The following MAN1C1 variants were observed in gnomAD, a reference collection of about 807,000 sequenced individuals.
The protein encoded by MAN1C1 is mannosidase alpha class 1C member 1, also known as mannosyl-oligosaccharide 1,2-alpha-mannosidase IC.
A neutral mutation model predicts 71.5 loss-of-function variants in MAN1C1; 49 were observed. The observed-to-expected ratio is 0.69, with a 90% CI of 0.54 to 0.87. MAN1C1 has a LOEUF of 0.87. MAN1C1 is among the 40% of genes least tolerant of loss of function. The pLI is 0.00. For synonymous variants in MAN1C1, 352 were observed against 343.7 expected (o/e 1.02, Z -0.27); for missense variants, 743 against 835.0 (o/e 0.89, Z 1.36).
chr1:25,627,560 C>T (rs1369372651), intron 1 of MAN1C1, among the ~76,000 whole-genome samples: 1 of 152,224 alleles, frequency 6.6e-6, no homozygotes, highest in African/African-American at 2.4e-5. Flanking sequence ...CAGGCGTGAG[C>T]CACTGTGCCC....
chr1:25,696,137 G>A (rs1195211615), intron 2 of MAN1C1, among the ~76,000 whole-genome samples: 15 of 152,192 alleles, frequency 9.9e-5, no homozygotes, highest in Admixed American at 8.5e-4. Context: ...CCCACTTTGC[G>A]AAGACCTTTC....
At chr1:25,717,748 G>C (rs1264996452) in intron 2 of MAN1C1, among the ~76,000 whole-genome samples, 1 of 151,922 alleles carries the variant, frequency 6.6e-6, no homozygotes, top group Admixed American at 6.6e-5. Flanking sequence ...ATTTTTAGTA[G>C]AGATGGGGTT....
Position 25,629,491 on chromosome 1 carries a change from A to G in MAN1C1, c.540+11154A>G, listed in dbSNP as rs146443963. Among the ~76,000 whole-genome samples the G allele has an allele frequency of 2.8e-3, 432 of 152,294 alleles. 2 individuals carry two copies. Among genetic ancestry groups the G allele is most frequent in the African/African-American group, 0.01 (423 of 41,562 alleles). On this transcript the variant is annotated intron_variant, in intron 1 of 11. Transcript: ENST00000374332. ...CCCTCCGTCACTCAGGCTGGAGTGC[A>G]GTGGTGCGATCTTGGCTCACTGCAG...
intron 1 of MAN1C1, among the ~76,000 whole-genome samples, chr1:25,684,841 T>C (rs1238990744): frequency 6.6e-6 from 1 of 152,184 alleles, no homozygotes; most frequent in Non-Finnish European, 1.5e-5. Flanking sequence ...AGGTGAGTGA[T>C]ACAAACAATA....
intron 7 of MAN1C1, among the ~76,000 whole-genome samples, chr1:25,765,346 G>A (rs1415757): frequency 0.082 from 12,491 of 152,220 alleles, 773 homozygotes; most frequent in East Asian, 0.23. Context: ...ATGGTCAGCT[G>A]GAACTGGCAG....
chr1:25,772,869 C>T (rs976460741), intron 8 of MAN1C1, among the ~76,000 whole-genome samples: 2 of 152,184 alleles, frequency 1.3e-5, no homozygotes, highest in African/African-American at 4.8e-5. Context: ...CTTCCTCAGA[C>T]ACCCCAGGCG....
intron 2 of MAN1C1, among the ~76,000 whole-genome samples, chr1:25,708,974 G>A (rs113379907): frequency 0.015 from 2,302 of 152,208 alleles, 49 homozygotes; most frequent in African/African-American, 0.051. Flanking sequence ...CTTGGCACTT[G>A]CATTTTCCTG....
chr1:25,618,292 G>A lies in MAN1C1; in HGVS notation c.495G>A (p.Gln165=), dbSNP rs1445289091. 6.2e-7 allele frequency: 1 copy of A among 1,603,874 alleles called. No individual in the cohort carries two copies. The highest frequency in any genetic ancestry group is 1.1e-5 in the South Asian group (1 of 88,930). The change falls in exon 1 of 12, where the codon CAG becomes CAA. Residue 165 remains glutamine (Q), a synonymous_variant. Transcript: ENST00000374332. ...PVLGTRADES[Q]EPQSQVRAQR... ...TGGGAACGAGGGCCGATGAGAGTCA[G>A]GAGCCCCAGAGCCAAGTGCGAGCCC...
At chr1:25,670,463 AG>A (rs1282156219) in intron 1 of MAN1C1, among the ~76,000 whole-genome samples, 1 of 152,234 alleles carries the variant, frequency 6.6e-6, no homozygotes, top group Non-Finnish European at 1.5e-5. Context: ...GCTTTAAAGC[AG>A]GTCATCCATT....
At chr1:25,653,691 T>TG (rs1404931393) in intron 1 of MAN1C1, among the ~76,000 whole-genome samples, 7 of 152,170 alleles carry the variant, frequency 4.6e-5, no homozygotes, top group Admixed American at 3.9e-4. Context: ...GGTTTGGCCT[T>TG]GGCTCCCCAC....
At chr1:25,727,436 G>C (rs1013080715) in intron 2 of MAN1C1, among the ~76,000 whole-genome samples, 1 of 152,240 alleles carries the variant, frequency 6.6e-6, no homozygotes, top group African/African-American at 2.4e-5. Flanking sequence ...AGGTGGAGGA[G>C]GTTGGTGTCT....
intron 2 of MAN1C1, among the ~76,000 whole-genome samples, chr1:25,707,806 C>T (rs552823138): frequency 8.5e-5 from 13 of 152,254 alleles, no homozygotes; most frequent in Admixed American, 5.9e-4. Flanking sequence ...AAGATGCAGG[C>T]GTGGGAAACA....
At chr1:25,693,682 T>C (rs776524028) in intron 2 of MAN1C1, among the ~76,000 whole-genome samples, 66 of 152,304 alleles carry the variant, frequency 4.3e-4, no homozygotes, top group Non-Finnish European at 6.2e-4. Flanking sequence ...TACAAGTTCA[T>C]GTTGATCAAG....
At chr1:25,724,026 C>CT (rs1209904579) in intron 2 of MAN1C1, among the ~76,000 whole-genome samples, 2,980 of 135,462 alleles carry the variant, frequency 0.022, 80 homozygotes, top group African/African-American at 0.066. Flanking sequence ...GACTGCCTAC[C>CT]TTTTTTTTTT....
intron 1 of MAN1C1, among the ~76,000 whole-genome samples, chr1:25,638,931 C>G (rs1215438083): frequency 1.3e-5 from 2 of 152,082 alleles, no homozygotes; most frequent in Non-Finnish European, 2.9e-5. Flanking sequence ...AAAAGTTTGG[C>G]CCATATTTCT....
chr1:25,650,984 A>G (rs1371191782), intron 1 of MAN1C1, among the ~76,000 whole-genome samples: 1 of 152,146 alleles, frequency 6.6e-6, no homozygotes, highest in Non-Finnish European at 1.5e-5. Flanking sequence ...TTCATTCAGT[A>G]AGTAAGAACT....
At chr1:25,707,052 C>A (rs759794334) in intron 2 of MAN1C1, among the ~76,000 whole-genome samples, 1 of 152,182 alleles carries the variant, frequency 6.6e-6, no homozygotes, top group African/African-American at 2.4e-5. Flanking sequence ...TATCTCTTCC[C>A]GATTTATCCA....
In MAN1C1 at chr1:25,617,852, C is replaced by T. The variant is rs2045128780; in HGVS notation, c.55C>T (p.Leu19=). ...CCCGGCCTCCCCGTGGGGGCTGCGGCTGCCGCAGAAGTTCCTCTTCCTCCT... is the reference window on the plus strand; with the variant it reads ...CCCGGCCTCCCCGTGGGGGCTGCGGTTGCCGCAGAAGTTCCTCTTCCTCCT... ...FVPASPWGLR[L]PQKFLFLLFL... is the part of the protein sequence containing the mutation. The change falls in exon 1 of 12, where the codon CTG becomes TTG. Residue 19 remains leucine, a synonymous_variant. Coordinates refer to ENST00000374332, the MANE Select transcript of MAN1C1 (RefSeq NM_020379.4). This position sits in a 1 kb window ranked among gnomAD's most constrained non-coding sequence, Gnocchi z 5.1. The T allele has an allele frequency of 6.2e-7, 1 of 1,607,004 alleles. No homozygotes were observed. The highest frequency in any genetic ancestry group is 1.3e-5 in the African/African-American group (1 of 74,180).
In MAN1C1 at chr1:25,730,756, G is replaced by T. The variant is rs1445997784; in HGVS notation, c.638-15912G>T. Among the ~76,000 whole-genome samples, 4 of 152,300 alleles carry T rather than the reference G, an allele frequency of 2.6e-5. No homozygotes were observed. In the South Asian group the frequency reaches 8.3e-4, roughly 32 times the overall value. On this transcript the variant is annotated intron_variant, in intron 2 of 11. Transcript: ENST00000374332. The surrounding 1 kb of genome is among the most constrained non-coding windows in gnomAD (Gnocchi z 4.3). ...TGTGGGTGGGTGGACAGGGCAAGCGGGGAGGGGGTTCTCCCTGTGTGGGCA... is the reference window on the plus strand; with the variant it reads ...TGTGGGTGGGTGGACAGGGCAAGCGTGGAGGGGGTTCTCCCTGTGTGGGCA...
Sources: allele counts gnomAD v4.1 joint callset (sites outside exome capture counted in the v4.1 genomes callset), GRCh38; gene constraint gnomAD v4.1.1; non-coding constraint Gnocchi (gnomAD v3.1); transcripts MANE v1.5; gene names NCBI Gene and HGNC (gene_info 2026-07-23, HGNC 2026-07-21).